The following GLRA1 variants were observed in gnomAD, a reference collection of about 807,000 sequenced individuals.
The protein encoded by GLRA1 is glycine receptor alpha 1.
A neutral mutation model predicts 48.3 loss-of-function variants in GLRA1; 37 were observed. That is an observed-to-expected ratio of 0.77 (90% CI 0.59 to 1.01). The LOEUF is 1.01. Ranked by LOEUF, GLRA1 falls within the 50% of genes least tolerant of loss-of-function variation. The pLI is 0.00. For missense variants in GLRA1, 427 were observed against 571.0 expected, an observed-to-expected ratio of 0.75 and a Z score of 2.57; for synonymous variants, 196 against 210.7, an observed-to-expected ratio of 0.93 and a Z score of 0.60.
chr5:151,822,735 A>C lies in GLRA1; in HGVS notation c.1288T>G (p.Phe430Val). 6.2e-7 allele frequency: 1 copy of C among 1,613,940 alleles called. No individual in the cohort carries two copies. The highest frequency in any genetic ancestry group is 8.5e-7 in the Non-Finnish European group (1 of 1,179,876). ...TAGATGATCCAGTAGAACATGTTGA[A>C]AATGAGGAAGGCCATGGGGAAGCCA... is the stretch of plus-strand genomic sequence containing the variant. ...RIGFPMAFLI[F>V]NMFYWIIYKI... Residue 430 changes from phenylalanine (F) to valine (V), a missense_variant, in exon 9 of 9, where the codon TTC becomes GTC. Around this residue, in one of 4 missense-constraint regions of GLRA1, gnomAD observed 121 missense variants for 96.5 expected, o/e 1.25. Transcript: ENST00000274576.
At chr5:151,867,432 A>T (rs1056283184) in intron 3 of GLRA1, among the ~76,000 whole-genome samples, 4 of 152,130 alleles carry the variant, frequency 2.6e-5, no homozygotes, top group African/African-American at 9.7e-5. Flanking sequence ...TAGAATATGT[A>T]TAATTGGGGG....
chr5:151,886,578 C>G (rs773193591), intron 3 of GLRA1, 143 bp downstream of exon 3: 14 of 706,972 alleles, frequency 2.0e-5, no homozygotes, highest in Admixed American at 6.0e-5. Context: ...TAAAGACATC[C>G]GAGCCTCATG....
chr5:151,886,123 A>T (rs1322021817), intron 3 of GLRA1, among the ~76,000 whole-genome samples: 1 of 152,250 alleles, frequency 6.6e-6, no homozygotes, highest in Non-Finnish European at 1.5e-5. Context: ...CTTATTCATA[A>T]TTACTAATAT....
chr5:151,911,418 A>G (rs1336059945), intron 1 of GLRA1, among the ~76,000 whole-genome samples: 1 of 152,162 alleles, frequency 6.6e-6, no homozygotes, highest in African/African-American at 2.4e-5. Context: ...AATGCCAACT[A>G]TATGCCCTCT....
At chr5:151,915,912 G>A (rs1193490062) in intron 1 of GLRA1, among the ~76,000 whole-genome samples, 1 of 152,038 alleles carries the variant, frequency 6.6e-6, no homozygotes, top group Non-Finnish European at 1.5e-5. Context: ...CCAAGAGTAG[G>A]AAGAACAAGG....
intron 3 of GLRA1, among the ~76,000 whole-genome samples, chr5:151,876,817 A>C (rs1410354383): frequency 6.6e-6 from 1 of 152,166 alleles, no homozygotes; most frequent in Admixed American, 6.5e-5. Flanking sequence ...CCCCAGAGTG[A>C]CTATATTTGA....
intron 1 of GLRA1, among the ~76,000 whole-genome samples, chr5:151,903,969 A>T (rs1363599420): frequency 6.6e-6 from 1 of 152,234 alleles, no homozygotes; most frequent in Non-Finnish European, 1.5e-5. Context: ...CAGCTGTTCA[A>T]ATCTGCTAAA....
chr5:151,907,166 T>A (rs1333846018), intron 1 of GLRA1, among the ~76,000 whole-genome samples: 3 of 147,964 alleles, frequency 2.0e-5, no homozygotes, highest in Non-Finnish European at 3.0e-5. Flanking sequence ...AAACTAAGAA[T>A]ATGGCCTAAT....
chr5:151,864,673 C>T (rs1461110053), intron 3 of GLRA1, among the ~76,000 whole-genome samples: 2 of 152,196 alleles, frequency 1.3e-5, no homozygotes, highest in Non-Finnish European at 2.9e-5. Flanking sequence ...GCTTCCCTGA[C>T]CTCTTCCTTT....
intron 3 of GLRA1, among the ~76,000 whole-genome samples, chr5:151,883,389 C>A (rs530793553): frequency 2.6e-5 from 4 of 152,220 alleles, no homozygotes; most frequent in African/African-American, 9.6e-5. Context: ...TTTTTTTAGT[C>A]TGTGCTCTTT....
chr5:151,861,758 C>A (rs1474474003), intron 3 of GLRA1, among the ~76,000 whole-genome samples: 1 of 152,106 alleles, frequency 6.6e-6, no homozygotes, highest in African/African-American at 2.4e-5. Flanking sequence ...GAACTACATA[C>A]CACTGCTCAA....
chr5:151,884,122 A>G (rs997753972), intron 3 of GLRA1, among the ~76,000 whole-genome samples: 1 of 152,202 alleles, frequency 6.6e-6, no homozygotes, highest in African/African-American at 2.4e-5. Flanking sequence ...TTTACAAAGC[A>G]TGGACAATGA....
chr5:151,905,142 G>C (rs1448205714), intron 1 of GLRA1, among the ~76,000 whole-genome samples: 1 of 151,938 alleles, frequency 6.6e-6, no homozygotes, highest in Non-Finnish European at 1.5e-5. Context: ...CCTCAGACCA[G>C]ATTCTTTCAA....
At position 151,903,718 on chromosome 5, in the gene GLRA1, G is replaced by A. The variant is rs138889918; in HGVS notation, c.57-11280C>T. 9.9e-3 allele frequency among the ~76,000 whole-genome samples: 1,508 copies of A among 152,308 alleles called. 27 individuals carry two copies. The highest frequency in any genetic ancestry group is 0.034 in the African/African-American group (1,428 of 41,570). ...GAAAACTGACTCAGAGATTAACTGA[G>A]AATAGCAAAGGCTACTACCAATGAC... is the stretch of plus-strand genomic sequence containing the variant. On this transcript the variant is annotated intron_variant, in intron 1 of 8. Transcript: ENST00000274576.
intron 1 of GLRA1, among the ~76,000 whole-genome samples, chr5:151,920,468 A>G (rs1392994285): frequency 6.6e-6 from 1 of 152,136 alleles, no homozygotes; most frequent in Non-Finnish European, 1.5e-5. Context: ...TGCTTAAGTC[A>G]TTACCAGTTT....
intron 3 of GLRA1, 91 bp downstream of exon 3, chr5:151,886,630 A>G (rs1753913045): frequency 5.1e-6 from 5 of 974,418 alleles, no homozygotes; most frequent in Non-Finnish European, 5.0e-6. Context: ...CTGATTCCCC[A>G]CTTCCTTGGT....
intron 3 of GLRA1, among the ~76,000 whole-genome samples, chr5:151,871,250 C>T (rs73794382): frequency 6.7e-6 from 1 of 149,138 alleles, no homozygotes; most frequent in South Asian, 2.1e-4. Flanking sequence ...CTCTTGGATC[C>T]CCCAGACCCA....
At chr5:151,920,929 C>T (rs1437364662) in intron 1 of GLRA1, among the ~76,000 whole-genome samples, 7 of 152,210 alleles carry the variant, frequency 4.6e-5, no homozygotes, top group South Asian at 2.1e-4. Context: ...AGCCCATTCA[C>T]CTTTCAACTG....
At chr5:151,905,711 G>A (rs1428433171) in intron 1 of GLRA1, among the ~76,000 whole-genome samples, 1 of 152,140 alleles carries the variant, frequency 6.6e-6, no homozygotes, top group Admixed American at 6.6e-5. Flanking sequence ...AAGGCAGTGT[G>A]CTAGGGGCAA....
Sources: allele counts gnomAD v4.1 joint callset (sites outside exome capture counted in the v4.1 genomes callset), GRCh38; gene constraint gnomAD v4.1.1; regional missense constraint gnomAD v4.1.1; transcripts MANE v1.5; gene names NCBI Gene and HGNC (gene_info 2026-07-23, HGNC 2026-07-21).